CCDC150: variants seen among roughly 807,000 people sequenced by gnomAD.
CCDC150 encodes coiled-coil domain containing 150, also known as coiled-coil domain-containing protein 150.
A neutral mutation model predicts 156.5 loss-of-function variants in CCDC150; 151 were observed. That is an observed-to-expected ratio of 0.97 (90% confidence interval 0.85 to 1.10). The LOEUF (loss-of-function observed/expected upper bound fraction) is 1.10. CCDC150 is among the 50% of genes least tolerant of loss of function. CCDC150 has a pLI of 0.00. For synonymous variants in CCDC150, 452 were observed against 429.4 expected (o/e 1.05, Z -0.65); for missense variants, 1,312 against 1,268.1 (o/e 1.03, Z -0.53).
In CCDC150 at chr2:196,656,380, C is replaced by T. The variant is rs146393668; in HGVS notation, c.177-253C>T. Among the ~76,000 whole-genome samples the T allele has an allele frequency of 1.0e-3, 159 of 152,134 alleles. No homozygotes were observed. In the East Asian group the frequency reaches 0.019, roughly 18 times the overall value. On this transcript the variant is annotated intron_variant, in intron 2 of 27. Transcript: ENST00000389175. Reference sequence around the variant, plus strand: ...TCAATGTGGATATTTTCTCAGTTGCCGGATACAGAAAAGTCTCTCAACTTG... The same window carrying T: ...TCAATGTGGATATTTTCTCAGTTGCTGGATACAGAAAAGTCTCTCAACTTG...
intron 21 of CCDC150, among the ~76,000 whole-genome samples, chr2:196,725,013 C>T (rs1368404105): frequency 6.6e-6 from 1 of 152,158 alleles, no homozygotes; most frequent in Non-Finnish European, 1.5e-5. Context: ...CAGTTACCAC[C>T]TGCAAGTCTC....
chr2:196,714,637 C>T (rs895358226), intron 17 of CCDC150, among the ~76,000 whole-genome samples: 1 of 152,188 alleles, frequency 6.6e-6, no homozygotes, highest in Non-Finnish European at 1.5e-5. Context: ...ATTGGCCTCA[C>T]TTTTCCTGTC....
In CCDC150 at chr2:196,690,688, C is replaced by T. The variant is rs149475062; in HGVS notation, c.1510-4358C>T. On this transcript the variant is annotated intron_variant, in intron 13 of 27. Coordinates refer to ENST00000389175, the MANE Select transcript of CCDC150 (RefSeq NM_001080539.2). ...GACTTCCTCTTTTTCTATTTGAATG[C>T]CCTTTATTTCTTTCTCTTTCCTGAT... is the stretch of plus-strand genomic sequence containing the variant. Among the ~76,000 whole-genome samples, 151 of 151,982 alleles carry T rather than the reference C, an allele frequency of 9.9e-4. No homozygotes were observed. In the East Asian group the frequency reaches 0.019, roughly 19 times the overall value.
At chr2:196,675,826 C>A (rs890287778) in intron 10 of CCDC150, among the ~76,000 whole-genome samples, 1 of 151,736 alleles carries the variant, frequency 6.6e-6, no homozygotes, top group Non-Finnish European at 1.5e-5. Context: ...TTTAAAATAC[C>A]AAAATTACTT....
intron 15 of CCDC150, among the ~76,000 whole-genome samples, chr2:196,708,090 A>T (rs770851436): frequency 6.6e-6 from 1 of 152,146 alleles, no homozygotes; most frequent in Non-Finnish European, 1.5e-5. Flanking sequence ...TGATCTGTCG[A>T]ACATTGACAG....
chr2:196,694,660 G>A (rs1396734733), intron 13 of CCDC150, among the ~76,000 whole-genome samples: 3 of 151,914 alleles, frequency 2.0e-5, no homozygotes, highest in Non-Finnish European at 2.9e-5. Context: ...TCAGGAGTTC[G>A]AGACCAGCCT....
At chr2:196,641,418 C>T (rs1259304712) in intron 1 of CCDC150, among the ~76,000 whole-genome samples, 1 of 152,118 alleles carries the variant, frequency 6.6e-6, no homozygotes, top group East Asian at 1.9e-4. Flanking sequence ...TTGCTGTTTC[C>T]GTCTTCTGGG....
intron 13 of CCDC150, among the ~76,000 whole-genome samples, chr2:196,685,803 C>T (rs1163385731): frequency 1.3e-5 from 2 of 151,840 alleles, no homozygotes; most frequent in East Asian, 3.9e-4. Flanking sequence ...TTAGTAGAGA[C>T]GAGGTTTCAC....
chr2:196,710,445 C>A (rs1448402068), intron 15 of CCDC150, among the ~76,000 whole-genome samples: 1 of 152,220 alleles, frequency 6.6e-6, no homozygotes, highest in Non-Finnish European at 1.5e-5. Flanking sequence ...CCCCTGACCC[C>A]CCTTGCGCTT....
At chr2:196,676,027 G>A in intron 10 of CCDC150, 116 bp from the exon 11 acceptor site, 1 of 910,904 alleles carries the variant, frequency 1.1e-6, no homozygotes, top group Non-Finnish European at 1.7e-6. Flanking sequence ...TTTTATTTAT[G>A]TAAATGAAAC....
chr2:196,713,496 G>T (rs571692203), intron 17 of CCDC150: 1 of 1,550,688 alleles, frequency 6.4e-7, no homozygotes, highest in Non-Finnish European at 8.7e-7. Flanking sequence ...TCTACACGCC[G>T]TGTGAGCTTT....
At chr2:196,672,638 A>G (rs1694271171) in intron 9 of CCDC150, among the ~76,000 whole-genome samples, 1 of 152,190 alleles carries the variant, frequency 6.6e-6, no homozygotes, top group Non-Finnish European at 1.5e-5. Flanking sequence ...TTCCTATGAT[A>G]TATAAGTATA....
chr2:196,692,650 A>T (rs1452796953), intron 13 of CCDC150, among the ~76,000 whole-genome samples: 1 of 152,186 alleles, frequency 6.6e-6, no homozygotes, highest in Non-Finnish European at 1.5e-5. Context: ...TGGATTTCTT[A>T]GTCTTGAATT....
In CCDC150 at chr2:196,718,532, G is replaced by A. The variant is rs377261997; in HGVS notation, c.1896G>A (p.Glu632=). The stretch of plus-strand genomic sequence containing the variant: ...AATCTATTCTTGAAAGAAGTAAAGA[G>A]GAGCTGTCCCGAACAGTGAAGTGTC... The part of the protein sequence containing the change: ...EVKSILERSK[E]ELSRTVKCRN... The change falls in exon 18 of 28, where the codon GAG becomes GAA. Residue 632 remains glutamate (E), a synonymous_variant. Transcript: ENST00000389175. The A allele has an allele frequency of 3.7e-6, 6 of 1,612,402 alleles. No individual in the cohort carries two copies. Among genetic ancestry groups the A allele is most frequent in the South Asian group, 1.1e-5 (1 of 90,794 alleles).
At chr2:196,709,147 A>G (rs1334353023) in intron 15 of CCDC150, among the ~76,000 whole-genome samples, 1 of 152,060 alleles carries the variant, frequency 6.6e-6, no homozygotes, top group Admixed American at 6.6e-5. Flanking sequence ...CACCAATCAA[A>G]CGTAGATTTG....
Position 196,639,741 on chromosome 2 carries a change from T to C in CCDC150, c.-26T>C. On this transcript the variant is annotated 5_prime_UTR_variant, in exon 1 of 28. Coordinates refer to ENST00000389175, the MANE Select transcript of CCDC150 (RefSeq NM_001080539.2). ...GTTCCACGGAAACCCGCTCGCCTGC[T>C]GCAGTACGGAGCCTCAGGCGGACAG... is the stretch of plus-strand genomic sequence containing the variant. The C allele has an allele frequency of 6.4e-7, 1 of 1,556,466 alleles. No homozygotes were observed. Among genetic ancestry groups the C allele is most frequent in the Non-Finnish European group, 8.7e-7 (1 of 1,144,882 alleles).
intron 13 of CCDC150, among the ~76,000 whole-genome samples, chr2:196,690,238 G>C: frequency 6.6e-6 from 1 of 151,904 alleles, no homozygotes; most frequent in Non-Finnish European, 1.5e-5. Flanking sequence ...GGAGGCGGGA[G>C]GGAGGAGGGG....
At chr2:196,645,736 C>T (rs1485399170) in intron 1 of CCDC150, among the ~76,000 whole-genome samples, 1 of 152,020 alleles carries the variant, frequency 6.6e-6, no homozygotes, top group Non-Finnish European at 1.5e-5. Flanking sequence ...TTTGCTCTTG[C>T]CTGAAGTTAA....
intron 14 of CCDC150, among the ~76,000 whole-genome samples, chr2:196,695,756 A>G (rs1231182145): frequency 6.6e-6 from 1 of 150,796 alleles, no homozygotes; most frequent in Non-Finnish European, 1.5e-5. Context: ...GCTTGCAGTG[A>G]GCCAAGATCA....
Sources: allele counts gnomAD v4.1 joint callset (sites outside exome capture counted in the v4.1 genomes callset), GRCh38; gene constraint gnomAD v4.1.1; transcripts MANE v1.5; gene names NCBI Gene and HGNC (gene_info 2026-07-23, HGNC 2026-07-21).